The following ZRANB3 variants were observed in gnomAD, a reference collection of about 807,000 sequenced individuals.
ZRANB3 encodes zinc finger RANBP2-type containing 3.
Under a neutral mutation model 133.8 loss-of-function variants are expected in ZRANB3, and 125 were observed. The observed-to-expected ratio is 0.93, with a 90% CI of 0.81 to 1.08. The LOEUF (loss-of-function observed/expected upper bound fraction) is 1.08. ZRANB3 is among the 50% of genes least tolerant of loss of function. ZRANB3 has a pLI of 0.00. For synonymous variants in ZRANB3, 387 were observed against 432.7 expected (o/e 0.89, Z 1.31); for missense variants, 1,229 against 1,275.5 (o/e 0.96, Z 0.56).
At chr2:135,476,059 C>T (rs2104786173) in intron 2 of ZRANB3, among the ~76,000 whole-genome samples, 1 of 151,858 alleles carries the variant, frequency 6.6e-6, no homozygotes, top group African/African-American at 2.4e-5. Context: ...GCCTGGACAA[C>T]AGAACAAGAC....
At chr2:135,286,944 C>G (rs1048347063) in intron 8 of ZRANB3, among the ~76,000 whole-genome samples, 1 of 152,066 alleles carries the variant, frequency 6.6e-6, no homozygotes, top group Non-Finnish European at 1.5e-5. Context: ...ATCTATTTAT[C>G]TTTGTTTTTG....
chr2:135,393,682 C>A, intron 2 of ZRANB3, among the ~76,000 whole-genome samples: 1 of 152,102 alleles, frequency 6.6e-6, no homozygotes, highest in East Asian at 1.9e-4. Context: ...ATCTATTATA[C>A]CCTTGTAAAA....
At chr2:135,480,079 G>A (rs1017770854) in intron 2 of ZRANB3, among the ~76,000 whole-genome samples, 8 of 150,762 alleles carry the variant, frequency 5.3e-5, no homozygotes, top group South Asian at 2.1e-4. Context: ...GACTACAGGC[G>A]CCCGCCACCA....
intron 6 of ZRANB3, among the ~76,000 whole-genome samples, chr2:135,343,719 G>A (rs1351302163): frequency 6.7e-6 from 1 of 149,796 alleles, no homozygotes; most frequent in African/African-American, 2.5e-5. Context: ...AGACAGAAGG[G>A]CAAACAGCAC....
At chr2:135,233,632 C>T (rs1455959048) in intron 12 of ZRANB3, among the ~76,000 whole-genome samples, 7 of 152,058 alleles carry the variant, frequency 4.6e-5, no homozygotes, top group Non-Finnish European at 1.0e-4. Context: ...CAGTGGGGGC[C>T]AATATTCAAC....
At chr2:135,402,902 A>G (rs1325905813) in intron 2 of ZRANB3, among the ~76,000 whole-genome samples, 1 of 151,910 alleles carries the variant, frequency 6.6e-6, no homozygotes, top group Admixed American at 6.6e-5. Flanking sequence ...TTCTTTTTCA[A>G]TGTAACCTTA....
intron 1 of ZRANB3, among the ~76,000 whole-genome samples, chr2:135,520,234 A>G (rs747306597): frequency 1.3e-5 from 2 of 151,860 alleles, no homozygotes; most frequent in Admixed American, 1.3e-4. Context: ...AAATAAAAAT[A>G]AAAATAATTA....
intron 5 of ZRANB3, among the ~76,000 whole-genome samples, chr2:135,349,157 G>A (rs1685079482): frequency 6.6e-6 from 1 of 152,128 alleles, no homozygotes; most frequent in African/African-American, 2.4e-5. Flanking sequence ...AGGTAATACT[G>A]TTAGACAGGG....
chr2:135,258,980 A>G (rs139717702), intron 12 of ZRANB3, among the ~76,000 whole-genome samples: 343 of 152,326 alleles, frequency 2.3e-3, no homozygotes, highest in African/African-American at 6.0e-3. Context: ...AACATTTCAT[A>G]CAATGTTGGC....
At chr2:135,406,713 A>G (rs1688052066) in intron 2 of ZRANB3, among the ~76,000 whole-genome samples, 1 of 152,196 alleles carries the variant, frequency 6.6e-6, no homozygotes, top group African/African-American at 2.4e-5. Context: ...AGAACCAAAG[A>G]CAAAAACCAC....
chr2:135,372,013 C>T (rs973117049), intron 3 of ZRANB3, among the ~76,000 whole-genome samples: 8 of 151,982 alleles, frequency 5.3e-5, no homozygotes, highest in African/African-American at 1.9e-4. Flanking sequence ...ACTAAAACTA[C>T]AAAAATTAGC....
intron 6 of ZRANB3, among the ~76,000 whole-genome samples, chr2:135,325,998 AAAAT>A (rs776387296): frequency 3.9e-4 from 60 of 152,234 alleles, no homozygotes; most frequent in Non-Finnish European, 3.4e-4. Flanking sequence ...CCACAATGGA[AAAAT>A]AAATAAATAA....
chr2:135,337,057 T>C (rs994289710), intron 6 of ZRANB3, among the ~76,000 whole-genome samples: 10 of 152,158 alleles, frequency 6.6e-5, no homozygotes, highest in Non-Finnish European at 1.5e-4. Context: ...TTTTACAACA[T>C]GAATAAAAGG....
intron 2 of ZRANB3, among the ~76,000 whole-genome samples, chr2:135,478,562 C>T (rs528872640): frequency 2.0e-5 from 3 of 152,142 alleles, no homozygotes; most frequent in Non-Finnish European, 4.4e-5. Context: ...GACATATACA[C>T]TTAATGTATG....
At chr2:135,457,431 A>T (rs746236566) in intron 2 of ZRANB3, among the ~76,000 whole-genome samples, 1 of 152,174 alleles carries the variant, frequency 6.6e-6, no homozygotes, top group Non-Finnish European at 1.5e-5. Flanking sequence ...GGAGTGCATG[A>T]GGATTTCAAT....
intron 2 of ZRANB3, among the ~76,000 whole-genome samples, chr2:135,419,515 T>C (rs1226103341): frequency 1.3e-5 from 2 of 152,088 alleles, no homozygotes; most frequent in Non-Finnish European, 2.9e-5. Context: ...CATGCCATAG[T>C]AAACTGTATG....
At chr2:135,476,166 G>C (rs539989972) in intron 2 of ZRANB3, among the ~76,000 whole-genome samples, 37 of 152,228 alleles carry the variant, frequency 2.4e-4, no homozygotes, top group Middle Eastern at 3.4e-3. Context: ...AATGTATGGA[G>C]CTTATATGGA....
chr2:135,363,426 A>G (rs1009757681), intron 3 of ZRANB3, among the ~76,000 whole-genome samples: 1 of 152,274 alleles, frequency 6.6e-6, no homozygotes, highest in African/African-American at 2.4e-5. Flanking sequence ...TTCATTCAAC[A>G]GTACCATTCC....
At chr2:135,511,502 C>T (rs752299540) in intron 1 of ZRANB3, 26 of 939,428 alleles carry the variant, frequency 2.8e-5, no homozygotes, top group Non-Finnish European at 4.2e-5. Context: ...TCTTCAGACT[C>T]CTCCTGAGGC....
Sources: gnomAD v4.1 joint callset for allele counts (sites outside exome capture counted in the v4.1 genomes callset) on GRCh38, gnomAD v4.1.1 for gene constraint, MANE v1.5 for transcripts, NCBI Gene and HGNC (gene_info 2026-07-23, HGNC 2026-07-21) for gene names.